The following SYT1 variants were observed in gnomAD, a reference collection of about 807,000 sequenced individuals.
SYT1 encodes synaptotagmin-1.
SYT1 carries 8 observed loss-of-function variants against 44.8 expected under a neutral mutation model. The observed-to-expected ratio is 0.18, with a 90% confidence interval of 0.10 to 0.32. SYT1 has a LOEUF of 0.32. Ranked by LOEUF, SYT1 falls within the 10% of genes least tolerant of loss-of-function variation. The pLI is 1.00. For missense variants in SYT1, 286 were observed against 509.3 expected, an observed-to-expected ratio of 0.56 and a Z score of 4.22; for synonymous variants, 154 against 188.8, an observed-to-expected ratio of 0.82 and a Z score of 1.51.
At chr12:79,415,518 G>T (rs1238647145) in intron 9 of SYT1, among the ~76,000 whole-genome samples, 1 of 152,102 alleles carries the variant, frequency 6.6e-6, no homozygotes, top group Admixed American at 6.6e-5. Context: ...TAATTCCTTG[G>T]TTTTACCACT....
In SYT1 at chr12:79,299,417, G is replaced by A. The variant is rs1880026879; in HGVS notation, c.676G>A (p.Val226Met). 5 of 1,613,478 alleles carry A rather than the reference G, an allele frequency of 3.1e-6. No homozygotes were observed. The highest frequency in any genetic ancestry group is 4.5e-5 in the East Asian group (2 of 44,858). ...CTCGGAATTGGGTGGCAAAACCCTA[G>A]TGATGGCTGTATATGATTTTGATCG... is the stretch of plus-strand genomic sequence containing the variant. ...PYSELGGKTL[V>M]MAVYDFDRFS... The change falls in exon 8 of 11, where the codon GTG becomes ATG. Residue 226 changes from valine to methionine, a missense_variant. Val to Met is a conservative substitution (Grantham distance 21). Coordinates refer to ENST00000261205, the MANE Select transcript of SYT1 (RefSeq NM_005639.3).
At chr12:78,899,209 G>A (rs1875525154) in intron 1 of SYT1, among the ~76,000 whole-genome samples, 1 of 151,988 alleles carries the variant, frequency 6.6e-6, no homozygotes, top group African/African-American at 2.4e-5. Flanking sequence ...TGAGATTATT[G>A]CTGAAATCAT....
intron 4 of SYT1, among the ~76,000 whole-genome samples, chr12:79,276,304 A>G (rs1878716447): frequency 6.6e-6 from 1 of 152,204 alleles, no homozygotes; most frequent in Admixed American, 6.5e-5. Context: ...GGAAACCAAC[A>G]TAAAAAATCA....
chr12:78,876,710 A>ATATATTATATAATATAATTATATAT (rs1169866144), intron 1 of SYT1, among the ~76,000 whole-genome samples: 2 of 116,716 alleles, frequency 1.7e-5, no homozygotes, highest in Non-Finnish European at 3.4e-5. Flanking sequence ...ATATTATATA[A>ATATATTATATAATATAATTATATAT]TATATTATAT....
intron 8 of SYT1, among the ~76,000 whole-genome samples, chr12:79,308,033 C>G (rs1180112426): frequency 5.9e-5 from 9 of 152,194 alleles, no homozygotes; most frequent in African/African-American, 2.2e-4. Context: ...AGAACTTCAG[C>G]CTGCATTTGA....
intron 4 of SYT1, among the ~76,000 whole-genome samples, chr12:79,247,832 C>T (rs535977299): frequency 1.7e-4 from 26 of 151,778 alleles, no homozygotes; most frequent in Non-Finnish European, 3.2e-4. Context: ...TTTCAAAAAC[C>T]GCAGGAAGCT....
At chr12:79,264,951 T>C (rs1037752373) in intron 4 of SYT1, among the ~76,000 whole-genome samples, 7 of 152,196 alleles carry the variant, frequency 4.6e-5, no homozygotes, top group Non-Finnish European at 8.8e-5. Context: ...TCTCACCTTC[T>C]GATATATCAT....
At chr12:79,342,307 C>T (rs1271716924) in intron 8 of SYT1, among the ~76,000 whole-genome samples, 1 of 152,142 alleles carries the variant, frequency 6.6e-6, no homozygotes, top group Non-Finnish European at 1.5e-5. Context: ...TCATAGCTCA[C>T]TGAAGACTCA....
chr12:78,876,457 G>A (rs1299752077), intron 1 of SYT1, among the ~76,000 whole-genome samples: 5 of 107,216 alleles, frequency 4.7e-5, no homozygotes, highest in African/African-American at 1.6e-4. Flanking sequence ...TTTTGAAAAT[G>A]GAGGTGTTTT....
intron 3 of SYT1, among the ~76,000 whole-genome samples, chr12:79,188,689 T>A (rs1268278543): frequency 1.3e-5 from 2 of 152,148 alleles, no homozygotes; most frequent in Middle Eastern, 3.2e-3. Flanking sequence ...TTTTTCTATC[T>A]TGAGGGAAAA....
intron 1 of SYT1, among the ~76,000 whole-genome samples, chr12:78,905,364 A>G (rs528854494): frequency 1.3e-5 from 2 of 152,022 alleles, no homozygotes; most frequent in East Asian, 1.9e-4. Flanking sequence ...GAATCCACCA[A>G]TTTCATGGAG....
At chr12:79,051,059 T>C (rs962976369) in intron 3 of SYT1, among the ~76,000 whole-genome samples, 2 of 151,792 alleles carry the variant, frequency 1.3e-5, no homozygotes, top group Admixed American at 6.6e-5. Flanking sequence ...AAAAAATCTG[T>C]GCTAATTAAC....
intron 8 of SYT1, among the ~76,000 whole-genome samples, chr12:79,306,921 G>T (rs1272695474): frequency 6.6e-6 from 1 of 152,198 alleles, no homozygotes; most frequent in Non-Finnish European, 1.5e-5. Flanking sequence ...AATGAAAAGG[G>T]TTTTGAGTGG....
chr12:79,157,281 T>C (rs1270117203), intron 3 of SYT1, among the ~76,000 whole-genome samples: 1 of 152,200 alleles, frequency 6.6e-6, no homozygotes, highest in East Asian at 1.9e-4. Flanking sequence ...ATGACTATCA[T>C]TCACCCTTTG....
intron 1 of SYT1, among the ~76,000 whole-genome samples, chr12:78,908,662 C>A (rs1443886503): frequency 6.6e-6 from 1 of 151,806 alleles, no homozygotes; most frequent in South Asian, 2.1e-4. Context: ...AATATTTCCA[C>A]TTTACCCTGT....
chr12:79,196,782 A>G (rs552385258), intron 3 of SYT1, among the ~76,000 whole-genome samples: 1 of 152,340 alleles, frequency 6.6e-6, no homozygotes, highest in Middle Eastern at 3.4e-3. Flanking sequence ...AATTAGGGAA[A>G]CAATTAGTTC....
intron 3 of SYT1, among the ~76,000 whole-genome samples, chr12:79,198,605 C>T (rs7133394): frequency 0.047 from 7,126 of 152,012 alleles, 327 homozygotes; most frequent in East Asian, 0.12. Flanking sequence ...TCTCTCTGGA[C>T]GGTTTTGGAA....
At position 79,021,685 on chromosome 12, in the gene SYT1, G is replaced by A. The variant is rs555626862; in HGVS notation, c.-83-25612G>A. 7.2e-5 allele frequency among the ~76,000 whole-genome samples: 11 copies of A among 151,892 alleles called. No individual in the cohort carries two copies. The South Asian group carries it at 1.2e-3, about 17-fold the overall frequency. On this transcript the variant is annotated intron_variant, in intron 2 of 10. Transcript: ENST00000261205. ...ATGAAAATTGCTGTGCACAAATGTTGATTTGCACCAAATCAGAAAGCTAGC... is the reference window on the plus strand; with the variant it reads ...ATGAAAATTGCTGTGCACAAATGTTAATTTGCACCAAATCAGAAAGCTAGC...
intron 1 of SYT1, among the ~76,000 whole-genome samples, chr12:78,897,292 A>C (rs1188097992): frequency 6.6e-6 from 1 of 151,956 alleles, no homozygotes; most frequent in African/African-American, 2.4e-5. Context: ...TTTGAGCATA[A>C]AAGAAAAGCA....
Sources: gnomAD v4.1 joint callset for allele counts (sites outside exome capture counted in the v4.1 genomes callset) on GRCh38, gnomAD v4.1.1 for gene constraint, MANE v1.5 for transcripts, NCBI Gene and HGNC (gene_info 2026-07-23, HGNC 2026-07-21) for gene names.